C5: variants seen among roughly 807,000 people sequenced by gnomAD.
C5 encodes the protein complement C5.
C5 carries 140 observed loss-of-function variants against 218.8 expected under a neutral mutation model. The observed-to-expected ratio is 0.64, with a 90% CI of 0.56 to 0.74. The LOEUF (loss-of-function observed/expected upper bound fraction) is 0.74, where lower values mean the gene tolerates loss of function less well. Ranked by LOEUF, C5 falls within the 30% of genes least tolerant of loss-of-function variation. The probability of loss-of-function intolerance (pLI) is 0.00; values close to 1 mark genes in which losing one functional copy is unlikely to be tolerated. For missense variants in C5, 1,700 were observed against 1,969.6 expected, an observed-to-expected ratio of 0.86 and a Z score of 2.59; for synonymous variants, 614 against 682.3, an observed-to-expected ratio of 0.90 and a Z score of 1.56.
the C5 span, among the ~76,000 whole-genome samples, chr9:121,062,234 C>A: frequency 6.6e-6 from 1 of 152,174 alleles, no homozygotes; most frequent in Non-Finnish European, 1.5e-5. Context: ...TAAACTTCTG[C>A]ACCTTGTGAG....
chr9:121,055,007 T>C (rs1247791704), upstream of C5, among the ~76,000 whole-genome samples: 1 of 152,144 alleles, frequency 6.6e-6, no homozygotes, highest in African/African-American at 2.4e-5. Flanking sequence ...TACTATTGAC[T>C]TTAAGCCTTT....
chr9:121,002,222 A>ATGTATATATACATATATACG (rs71370612), intron 20 of C5, among the ~76,000 whole-genome samples: 4 of 85,298 alleles, frequency 4.7e-5, no homozygotes, highest in African/African-American at 1.2e-4. Flanking sequence ...ATACGTATAT[A>ATGTATATATACATATATACG]TATATATGTA....
intron 14 of C5, among the ~76,000 whole-genome samples, 153 bp downstream of exon 14, chr9:121,017,209 G>A (rs541363418): frequency 2.0e-5 from 3 of 152,306 alleles, no homozygotes; most frequent in Admixed American, 1.3e-4. Context: ...CTGTGCTTTG[G>A]GAGCTGACAG....
chr9:120,961,953 T>G (rs2046830825), intron 36 of C5, among the ~76,000 whole-genome samples: 1 of 152,184 alleles, frequency 6.6e-6, no homozygotes, highest in African/African-American at 2.4e-5. Context: ...GAAGAGGGAC[T>G]ATGTATGTTC....
At chr9:121,034,473 G>C (rs1378793503) in intron 5 of C5, among the ~76,000 whole-genome samples, 3 of 152,128 alleles carry the variant, frequency 2.0e-5, no homozygotes, top group Non-Finnish European at 1.5e-5. Flanking sequence ...ATAGCAACCA[G>C]AGCAAGGAAC....
At chr9:120,986,319 T>C (rs1168103368) in intron 25 of C5, among the ~76,000 whole-genome samples, 2 of 150,592 alleles carry the variant, frequency 1.3e-5, no homozygotes, top group Non-Finnish European at 2.9e-5. Context: ...AGAAATAAGA[T>C]GGAGGCTTGT....
chr9:121,057,342 A>T, the C5 span, among the ~76,000 whole-genome samples: 1 of 152,224 alleles, frequency 6.6e-6, no homozygotes, highest in Non-Finnish European at 1.5e-5. Flanking sequence ...CTGTAATTGC[A>T]GTATGTAAAC....
intron 15 of C5, among the ~76,000 whole-genome samples, chr9:121,015,959 A>C (rs577940324): frequency 6.6e-6 from 1 of 152,370 alleles, no homozygotes; most frequent in East Asian, 1.9e-4. Flanking sequence ...GCAAAATAGC[A>C]TAATGCCACT....
Position 120,953,729 on chromosome 9 carries a change from C to T in C5, c.4901+1G>A, listed in dbSNP as rs774236417. On this transcript the variant is annotated splice_donor_variant, in intron 40 of 40. Transcript: ENST00000223642. LOFTEE classifies it high-confidence loss of function. ...GTGACTGAAAAATATTGGTGACTTA[C>T]CTGAAACTGAAATTGTATTTTATCT... 8 of 1,613,858 alleles carry T rather than the reference C, an allele frequency of 5.0e-6. No homozygotes were observed. The East Asian group carries it at 1.8e-4, about 36-fold the overall frequency.
chr9:121,063,282 T>C, the C5 span, among the ~76,000 whole-genome samples: 1 of 152,104 alleles, frequency 6.6e-6, no homozygotes, highest in East Asian at 1.9e-4. Flanking sequence ...TGATTCTTTT[T>C]TTCTCCCTGC....
At chr9:120,996,627 A>G (rs2047118335) in intron 21 of C5, among the ~76,000 whole-genome samples, 1 of 152,240 alleles carries the variant, frequency 6.6e-6, no homozygotes, top group Non-Finnish European at 1.5e-5. Context: ...GGAGACTGAC[A>G]CACATGGAAA....
upstream of C5, among the ~76,000 whole-genome samples, chr9:121,050,506 A>G (rs1398597181): frequency 1.3e-5 from 2 of 152,190 alleles, no homozygotes; most frequent in East Asian, 3.8e-4. Context: ...GGAATTTGGC[A>G]CTATGAAGAG....
chr9:121,073,071 C>A, the C5 span, among the ~76,000 whole-genome samples: 1 of 152,106 alleles, frequency 6.6e-6, no homozygotes, highest in Non-Finnish European at 1.5e-5. Context: ...TGTTGGACGT[C>A]CCCTGAATTT....
At chr9:121,016,104 A>G (rs2047304653) in intron 15 of C5, 150 bp downstream of exon 15, 1 of 1,010,404 alleles carries the variant, frequency 9.9e-7, no homozygotes, top group Admixed American at 1.8e-5. Flanking sequence ...CTTTATCTTG[A>G]AGGCCAGTGA....
intron 25 of C5, among the ~76,000 whole-genome samples, chr9:120,983,415 C>T (rs745609484): frequency 2.0e-5 from 3 of 152,164 alleles, no homozygotes; most frequent in Admixed American, 6.5e-5. Flanking sequence ...CCCCCCATAA[C>T]ATCTCTTCAC....
intron 22 of C5, among the ~76,000 whole-genome samples, chr9:120,993,998 ACT>A (rs1187693070): frequency 6.6e-6 from 1 of 151,916 alleles, no homozygotes; most frequent in Non-Finnish European, 1.5e-5. Context: ...GAAACTTAAC[ACT>A]CTGCATTTGA....
intron 33 of C5, 87 bp downstream of exon 33, chr9:120,968,974 C>T (rs944716399): frequency 1.3e-5 from 15 of 1,135,790 alleles, no homozygotes; most frequent in Middle Eastern, 1.9e-4. Flanking sequence ...TCTGGACATA[C>T]CAAAATTTGA....
intron 25 of C5, among the ~76,000 whole-genome samples, chr9:120,986,050 C>T (rs1164730391): frequency 1.3e-5 from 2 of 152,104 alleles, no homozygotes; most frequent in African/African-American, 4.8e-5. Flanking sequence ...CTTTAAAATC[C>T]CTCTGGCCAG....
Position 120,958,618 on chromosome 9 carries a change from A to G in C5, c.4679-1250T>C, listed in dbSNP as rs190063565. Among the ~76,000 whole-genome samples the G allele has an allele frequency of 9.2e-5, 14 of 152,220 alleles. No individual in the cohort carries two copies. In the East Asian group the frequency reaches 1.5e-3, roughly 17 times the overall value. On this transcript the variant is annotated intron_variant, in intron 38 of 40. Transcript: ENST00000223642. ...AAATTCAAAGAAAGAAAAGTTATTA[A>G]CCATATAAAACTTATTCTGTTGCCT... is the stretch of plus-strand genomic sequence containing the variant.
Sources: gnomAD v4.1 joint callset for allele counts (sites outside exome capture counted in the v4.1 genomes callset) on GRCh38, gnomAD v4.1.1 for gene constraint, MANE v1.5 for transcripts, NCBI Gene and HGNC (gene_info 2026-07-23, HGNC 2026-07-21) for gene names.